Variants in CDCA2 observed in about 807,000 individuals in gnomAD.
The protein encoded by CDCA2 is cell division cycle associated 2, also known as cell division cycle-associated protein 2.
Under a neutral mutation model 67.0 loss-of-function variants are expected in CDCA2, and 44 were observed. That is an observed-to-expected ratio of 0.66 (90% CI 0.52 to 0.84). The LOEUF (loss-of-function observed/expected upper bound fraction) is 0.84, where lower values mean the gene tolerates loss of function less well. Among genes scored for constraint, CDCA2 ranks in the 40% least tolerant of loss-of-function variants. CDCA2 has a pLI of 0.00. For synonymous variants in CDCA2, 447 were observed against 418.7 expected, an observed-to-expected ratio of 1.07 and a Z score of -0.82; for missense variants, 1,253 against 1,203.2, an observed-to-expected ratio of 1.04 and a Z score of -0.61.
intron 13 of CDCA2, 127 bp downstream of exon 13, chr8:25,488,816 C>A: frequency 1.1e-6 from 1 of 928,288 alleles, no homozygotes; most frequent in African/African-American, 1.7e-5. Flanking sequence ...TGCAATCTTA[C>A]CGTGGAGTAG....
chr8:25,483,281 T>C, intron 8 of CDCA2, 118 bp from the exon 9 acceptor site: 1 of 515,034 alleles, frequency 1.9e-6, no homozygotes, highest in Admixed American at 3.7e-5. Context: ...ATAAAGGTAA[T>C]CTTTAATACT....
At chr8:25,479,213 T>C (rs981605483) in intron 7 of CDCA2, among the ~76,000 whole-genome samples, 7 of 151,664 alleles carry the variant, frequency 4.6e-5, no homozygotes, top group Non-Finnish European at 7.4e-5. Flanking sequence ...AGGATCCTCA[T>C]GTTACCCTTC....
At chr8:25,466,812 A>G (rs965059719) in intron 5 of CDCA2, among the ~76,000 whole-genome samples, 2 of 151,822 alleles carry the variant, frequency 1.3e-5, no homozygotes, top group Non-Finnish European at 2.9e-5. Context: ...GGAGGCTGAG[A>G]CGGGAGGATC....
At position 25,488,709 on chromosome 8, in the gene CDCA2, T is replaced by A; in HGVS notation, c.1671+20T>A. On this transcript the variant is annotated intron_variant, in intron 13 of 14. Coordinates refer to ENST00000330560, the MANE Select transcript of CDCA2 (RefSeq NM_152562.4). Reference sequence around the variant, plus strand: ...AGTCAGGTAAGCATGTGTTTAAAGATATAATAAAGAGTAGAAGTGGTGTGT... The same window carrying A: ...AGTCAGGTAAGCATGTGTTTAAAGAAATAATAAAGAGTAGAAGTGGTGTGT... 1 of 1,568,678 alleles carries A rather than the reference T, an allele frequency of 6.4e-7. No homozygotes were observed. The highest frequency in any genetic ancestry group is 8.6e-7 in the Non-Finnish European group (1 of 1,163,970).
chr8:25,485,669 C>T, intron 10 of CDCA2, 90 bp from the exon 11 acceptor site: 5 of 642,284 alleles, frequency 7.8e-6, no homozygotes, highest in South Asian at 2.4e-5. Flanking sequence ...ATAGTTTCTC[C>T]TACCAAAATA....
At chr8:25,476,253 GTT>G (rs1384053137) in intron 7 of CDCA2, among the ~76,000 whole-genome samples, 3 of 152,184 alleles carry the variant, frequency 2.0e-5, no homozygotes, top group Non-Finnish European at 4.4e-5. Context: ...TCACTCCAGT[GTT>G]TTTGTTTTAT....
chr8:25,460,585 T>G (rs1263831143), intron 3 of CDCA2, 31 bp downstream of exon 3: 1 of 1,581,186 alleles, frequency 6.3e-7, no homozygotes, highest in Non-Finnish European at 8.6e-7. Context: ...GTTGTAATGC[T>G]TTTCAAGTTT....
intron 12 of CDCA2, 70 bp from the exon 13 acceptor site, chr8:25,488,482 G>T: frequency 7.1e-7 from 1 of 1,403,740 alleles, no homozygotes; most frequent in South Asian, 1.6e-5. Flanking sequence ...AGCACAACAA[G>T]AGTGAGAGCA....
At chr8:25,476,600 T>C (rs1803360307) in intron 7 of CDCA2, among the ~76,000 whole-genome samples, 1 of 151,746 alleles carries the variant, frequency 6.6e-6, no homozygotes, top group East Asian at 1.9e-4. Context: ...CCGCCCAGGC[T>C]GTAGTGCAAT....
chr8:25,463,562 A>G (rs1405749697), intron 4 of CDCA2, among the ~76,000 whole-genome samples: 1 of 152,150 alleles, frequency 6.6e-6, no homozygotes, highest in East Asian at 1.9e-4. Flanking sequence ...CATTTACTAT[A>G]GACTTTGTAT....
At chr8:25,503,861 G>A (rs1325654961) in intron 14 of CDCA2, among the ~76,000 whole-genome samples, 1 of 152,122 alleles carries the variant, frequency 6.6e-6, no homozygotes, top group East Asian at 1.9e-4. Flanking sequence ...AAAGCATTTT[G>A]TGAAAATAAA....
intron 8 of CDCA2, among the ~76,000 whole-genome samples, chr8:25,481,952 A>C (rs1288258020): frequency 6.6e-6 from 1 of 152,174 alleles, no homozygotes; most frequent in Non-Finnish European, 1.5e-5. Context: ...TAGAGCAGGT[A>C]ATGTTCTTAG....
At chr8:25,466,088 T>C in intron 4 of CDCA2, 87 bp from the exon 5 acceptor site, 1 of 1,277,802 alleles carries the variant, frequency 7.8e-7, no homozygotes, top group Non-Finnish European at 1.1e-6. Flanking sequence ...TGTACTGTAT[T>C]TAATTTTGGA....
At chr8:25,474,293 C>A (rs1316061649) in intron 7 of CDCA2, among the ~76,000 whole-genome samples, 1 of 152,138 alleles carries the variant, frequency 6.6e-6, no homozygotes, top group Non-Finnish European at 1.5e-5. Context: ...TGTAAAATGA[C>A]AAGGAAGTAT....
At chr8:25,501,495 G>A (rs1015467325) in intron 13 of CDCA2, among the ~76,000 whole-genome samples, 23 of 152,204 alleles carry the variant, frequency 1.5e-4, no homozygotes, top group Non-Finnish European at 3.1e-4. Flanking sequence ...ATGGATCCAC[G>A]GGCCGGGCCA....
intron 8 of CDCA2, among the ~76,000 whole-genome samples, chr8:25,481,409 G>T (rs1303720872): frequency 6.6e-6 from 1 of 152,128 alleles, no homozygotes; most frequent in Non-Finnish European, 1.5e-5. Flanking sequence ...ATTTACAACT[G>T]GCCGGGCGTG....
intron 14 of CDCA2, among the ~76,000 whole-genome samples, chr8:25,505,873 T>C (rs148005962): frequency 8.8e-4 from 134 of 152,254 alleles, no homozygotes; most frequent in Non-Finnish European, 1.5e-3. Context: ...GTGCCAGAAA[T>C]ACATGAAAGC....
chr8:25,492,088 G>A (rs540993304), intron 13 of CDCA2, among the ~76,000 whole-genome samples: 18 of 151,740 alleles, frequency 1.2e-4, no homozygotes, highest in African/African-American at 3.9e-4. Flanking sequence ...GAGCCACCAC[G>A]CCTGGCTGGC....
chr8:25,475,303 A>C (rs547952300), intron 7 of CDCA2, among the ~76,000 whole-genome samples: 40 of 152,222 alleles, frequency 2.6e-4, no homozygotes, highest in African/African-American at 8.9e-4. Context: ...GGCAGATCAC[A>C]AGGTCAGGAG....
Sources: allele counts gnomAD v4.1 joint callset (sites outside exome capture counted in the v4.1 genomes callset), GRCh38; gene constraint gnomAD v4.1.1; transcripts MANE v1.5; gene names NCBI Gene and HGNC (gene_info 2026-07-23, HGNC 2026-07-21).